The following ATAD2B variants were observed in gnomAD, a reference collection of about 807,000 sequenced individuals.
ATAD2B encodes ATPase family AAA domain containing 2B.
In ATAD2B, 40 loss-of-function variants were observed where a neutral mutation model predicts 167.6. The observed-to-expected ratio is 0.24, with a 90% confidence interval of 0.19 to 0.31. ATAD2B has a LOEUF of 0.31. ATAD2B is among the 10% of genes least tolerant of loss of function. The pLI is 1.00. For missense variants in ATAD2B, 1,242 were observed against 1,757.2 expected, an observed-to-expected ratio of 0.71 and a Z score of 5.24; for synonymous variants, 579 against 596.5, an observed-to-expected ratio of 0.97 and a Z score of 0.43.
At chr2:23,916,844 C>T (rs779239972) in intron 1 of ATAD2B, among the ~76,000 whole-genome samples, 1 of 152,108 alleles carries the variant, frequency 6.6e-6, no homozygotes, top group African/African-American at 2.4e-5. Flanking sequence ...GCTGCTAAGT[C>T]ACCTAAACAA....
Position 23,754,579 on chromosome 2 carries a change from A to G in ATAD2B, c.4206+68T>C, listed in dbSNP as rs932310058. On this transcript the variant is annotated intron_variant, in intron 26 of 27. Transcript: ENST00000238789. ...AAAGCAGGAAAACTACTTTTACTCA[A>G]CTGCCTACAAACACATTCAAATCTC... 11 of 1,550,948 alleles carry G rather than the reference A, an allele frequency of 7.1e-6. No homozygotes were observed. The East Asian group carries it at 2.5e-4, about 35-fold the overall frequency.
intron 12 of ATAD2B, among the ~76,000 whole-genome samples, chr2:23,859,047 T>C (rs1362372672): frequency 1.3e-5 from 2 of 152,144 alleles, no homozygotes; most frequent in Non-Finnish European, 2.9e-5. Context: ...CAAATTGCCA[T>C]CCACTGAAGT....
chr2:23,696,340 G>A, the ATAD2B span: 40 of 1,551,436 alleles, frequency 2.6e-5, no homozygotes, highest in Non-Finnish European at 3.4e-5. The surrounding 1 kb of genome is among the most constrained non-coding windows in gnomAD (Gnocchi z 5.5). Flanking sequence ...CAGGTGGGAT[G>A]GAATCAGGGG....
chr2:23,913,379 C>T (rs564266550), intron 1 of ATAD2B, among the ~76,000 whole-genome samples: 2 of 152,280 alleles, frequency 1.3e-5, no homozygotes, highest in East Asian at 3.9e-4. Context: ...CTCACTCACG[C>T]CTGTAATCCC....
intron 6 of ATAD2B, among the ~76,000 whole-genome samples, chr2:23,881,255 T>A (rs542454959): frequency 6.6e-6 from 1 of 152,298 alleles, no homozygotes; most frequent in East Asian, 1.9e-4. Context: ...TAAGCATGGA[T>A]TAGTTACATT....
chr2:23,691,534 G>T, the ATAD2B span: 1 of 659,184 alleles, frequency 1.5e-6, no homozygotes, highest in Non-Finnish European at 2.7e-6. Context: ...ACAGCATTAG[G>T]TTCAGGTGTG....
chr2:23,791,987 C>A (rs544987289), intron 19 of ATAD2B, among the ~76,000 whole-genome samples: 2 of 151,984 alleles, frequency 1.3e-5, no homozygotes, highest in South Asian at 2.1e-4. Flanking sequence ...TACATTCCCA[C>A]CAGCAATGCA....
chr2:23,867,719 C>T (rs192210300), intron 10 of ATAD2B, 116 bp downstream of exon 10: 15 of 695,580 alleles, frequency 2.2e-5, no homozygotes, highest in East Asian at 2.1e-4. Flanking sequence ...ACATATACAT[C>T]GAAACATTAA....
At chr2:23,769,716 T>G in intron 22 of ATAD2B, among the ~76,000 whole-genome samples, 1 of 136,996 alleles carries the variant, frequency 7.3e-6, no homozygotes, top group Non-Finnish European at 1.6e-5. Flanking sequence ...CTGTGGGTTT[T>G]TTTTTTTTTT....
intron 8 of ATAD2B, among the ~76,000 whole-genome samples, chr2:23,870,749 T>G (rs1318020932): frequency 6.6e-6 from 1 of 151,684 alleles, no homozygotes; most frequent in African/African-American, 2.4e-5. Flanking sequence ...AATAATACAC[T>G]GGTTTACAGA....
chr2:23,745,737 T>C (rs1042446553), downstream of ATAD2B, among the ~76,000 whole-genome samples: 2 of 152,248 alleles, frequency 1.3e-5, no homozygotes, highest in African/African-American at 4.8e-5. Flanking sequence ...AGTTGTCTGC[T>C]GCTACTAATA....
At chr2:23,877,082 AAAG>A (rs1224024095) in intron 7 of ATAD2B, among the ~76,000 whole-genome samples, 133 of 150,754 alleles carry the variant, frequency 8.8e-4, no homozygotes, top group Middle Eastern at 3.4e-3. Context: ...AAAAAAAAAA[AAAG>A]AAAGAAAGAA....
chr2:23,824,760 C>A (rs1687985639), intron 15 of ATAD2B, among the ~76,000 whole-genome samples: 1 of 152,170 alleles, frequency 6.6e-6, no homozygotes, highest in Non-Finnish European at 1.5e-5. Flanking sequence ...CATACAAAAA[C>A]ACATGCTCTG....
chr2:23,702,065 C>T, the ATAD2B span, among the ~76,000 whole-genome samples: 166 of 151,994 alleles, frequency 1.1e-3, no homozygotes, highest in African/African-American at 3.4e-3. Context: ...TCAGATGATC[C>T]GCCCACCTCG....
intron 27 of ATAD2B, among the ~76,000 whole-genome samples, chr2:23,752,429 T>C (rs559707632): frequency 1.6e-4 from 24 of 151,092 alleles, no homozygotes; most frequent in Middle Eastern, 7.0e-3. Context: ...TTATGCCAGA[T>C]ATTTACTAAG....
At chr2:23,857,343 C>G in intron 13 of ATAD2B, 72 bp downstream of exon 13, 1 of 805,496 alleles carries the variant, frequency 1.2e-6, no homozygotes, top group Non-Finnish European at 1.9e-6. Flanking sequence ...TAGCACTTAG[C>G]TAAGGGCTAA....
intron 4 of ATAD2B, among the ~76,000 whole-genome samples, chr2:23,887,226 T>G (rs970103114): frequency 6.6e-6 from 1 of 152,122 alleles, no homozygotes; most frequent in Admixed American, 6.6e-5. Context: ...ATCGCGTCAC[T>G]GCACTCCAGC....
chr2:23,803,647 T>C (rs2712062), intron 18 of ATAD2B, among the ~76,000 whole-genome samples: 131 of 152,356 alleles, frequency 8.6e-4, no homozygotes, highest in Non-Finnish European at 1.6e-3. Context: ...TTCACTCCAA[T>C]TGATAATATT....
chr2:23,806,724 T>C (rs1322637224), intron 18 of ATAD2B, among the ~76,000 whole-genome samples: 3 of 152,186 alleles, frequency 2.0e-5, no homozygotes, highest in Non-Finnish European at 2.9e-5. Flanking sequence ...GTGGCAGCAA[T>C]GGTAGTAGTA....
Sources: gnomAD v4.1 joint callset for allele counts (sites outside exome capture counted in the v4.1 genomes callset) on GRCh38, gnomAD v4.1.1 for gene constraint, Gnocchi (gnomAD v3.1) non-coding constraint, MANE v1.5 for transcripts, NCBI Gene and HGNC (gene_info 2026-07-23, HGNC 2026-07-21) for gene names.